The following HTR2C variants were observed in gnomAD, a reference collection of about 807,000 sequenced individuals.
The protein encoded by HTR2C is 5-hydroxytryptamine (serotonin) receptor 2C, G protein-coupled.
In HTR2C, 5 loss-of-function variants were observed where a neutral mutation model predicts 21.0. That is an observed-to-expected ratio of 0.24 (90% CI 0.12 to 0.50). HTR2C has a LOEUF of 0.50. Among genes scored for constraint, HTR2C ranks in the 20% least tolerant of loss-of-function variants. The probability of loss-of-function intolerance (pLI) is 0.98; values close to 1 mark genes in which losing one functional copy is unlikely to be tolerated. For missense variants in HTR2C, 271 were observed against 371.2 expected (o/e 0.73, Z 2.22); for synonymous variants, 150 against 145.3 (o/e 1.03, Z -0.23).
At chrX:114,701,876 G>C (rs1414998139) in intron 2 of HTR2C, among the ~76,000 whole-genome samples, 1 of 112,115 alleles carries the variant, frequency 8.9e-6, no homozygotes, top group Non-Finnish European at 1.9e-5. Context: ...GGAGCTGATG[G>C]AGCTGAAAGC....
At chrX:114,847,733 A>G (rs1174715918) in intron 4 of HTR2C, among the ~76,000 whole-genome samples, 1 of 110,923 alleles carries the variant, frequency 9.0e-6, no homozygotes, top group African/African-American at 3.3e-5. Flanking sequence ...CTAGTTGCAC[A>G]ATATTGTGAA....
intron 4 of HTR2C, among the ~76,000 whole-genome samples, chrX:114,794,146 G>A (rs999989706): frequency 9.0e-6 from 1 of 110,773 alleles, no homozygotes; most frequent in South Asian, 3.8e-4. Flanking sequence ...AAAGCTTAAG[G>A]AAGACTCACT....
At chrX:114,812,311 T>C (rs2070540022) in intron 4 of HTR2C, among the ~76,000 whole-genome samples, 1 of 111,536 alleles carries the variant, frequency 9.0e-6, no homozygotes, top group Admixed American at 9.6e-5. Flanking sequence ...TACCCCCAAC[T>C]TTTTCCCCAC....
intron 2 of HTR2C, among the ~76,000 whole-genome samples, chrX:114,705,622 C>T (rs1405007455): frequency 9.9e-6 from 1 of 101,242 alleles, no homozygotes; most frequent in African/African-American, 3.5e-5. Flanking sequence ...AAAACCTAGG[C>T]ATTACCATTC....
chrX:114,815,952 C>T (rs782117947), intron 4 of HTR2C, among the ~76,000 whole-genome samples: 2 of 110,433 alleles, frequency 1.8e-5, no homozygotes, highest in East Asian at 2.9e-4. Context: ...TTGACATTTT[C>T]GACAAATCTC....
rs1569495646 is a variant in HTR2C, at chrX:114,805,902, T to TCATATATATACCATATATATATACAC, written c.350-42053_350-42028dup. ...ACCATATGTATACCATATATATACA[T>TCATATATATACCATATATATATACAC]CATATATATACCATATATATATACA... On this transcript the variant is annotated intron_variant, in intron 4 of 5. Transcript: ENST00000276198. 9.8e-3 allele frequency among the ~76,000 whole-genome samples: 351 copies of TCATATATATACCATATATATATACAC among 35,805 alleles called. 60 individuals carry two copies. Among genetic ancestry groups the TCATATATATACCATATATATATACAC allele is most frequent in the African/African-American group, 0.035 (337 of 9,643 alleles). The allele number at this position is 35,805 out of a possible 115,157, so 31.1% of individuals were successfully genotyped here. A position where few individuals can be genotyped will look rare whatever the true frequency, so the allele number is the denominator to read the frequency against.
intron 5 of HTR2C, among the ~76,000 whole-genome samples, chrX:114,881,773 G>A (rs1602910589): frequency 9.1e-6 from 1 of 110,084 alleles, no homozygotes; most frequent in South Asian, 3.8e-4. Flanking sequence ...CAGGTAGTGC[G>A]AGTCCTCGTA....
intron 2 of HTR2C, among the ~76,000 whole-genome samples, chrX:114,661,394 G>A (rs1325121090): frequency 1.4e-5 from 1 of 70,797 alleles, no homozygotes; most frequent in Non-Finnish European, 2.7e-5. Context: ...TGAACACTAT[G>A]AATGAATTTG....
intron 4 of HTR2C, among the ~76,000 whole-genome samples, chrX:114,780,897 C>T (rs782239777): frequency 1.1e-4 from 12 of 111,184 alleles, no homozygotes; most frequent in African/African-American, 3.9e-4. Flanking sequence ...ATAAATATAC[C>T]TGAAAAACTT....
Position 114,684,566 on chromosome X carries a change from G to A in HTR2C, c.-79-42292G>A, listed in dbSNP as rs1278178737. On this transcript the variant is annotated intron_variant, in intron 2 of 5. Coordinates refer to ENST00000276198, the MANE Select transcript of HTR2C (RefSeq NM_000868.4). ...TTACTTTTATTTAGTAGTTACCCTG[G>A]TTCTCTTGACTATTTCTTGAAAGGG... Among the ~76,000 whole-genome samples, 5 of 111,305 alleles carry A rather than the reference G, an allele frequency of 4.5e-5. No homozygotes were observed. In the East Asian group the frequency reaches 1.4e-3, roughly 31 times the overall value.
chrX:114,594,869 T>C (rs1185331183), intron 1 of HTR2C, among the ~76,000 whole-genome samples: 7 of 111,794 alleles, frequency 6.3e-5, no homozygotes, highest in Non-Finnish European at 1.3e-4. Context: ...TTATATTCTG[T>C]TTCCTGTTTT....
At chrX:114,614,129 C>A (rs191334814) in intron 2 of HTR2C, among the ~76,000 whole-genome samples, 313 of 110,420 alleles carry the variant, frequency 2.8e-3, no homozygotes, top group Non-Finnish European at 5.0e-3. Flanking sequence ...GACCCCTTAC[C>A]GAACTGTTAA....
intron 4 of HTR2C, among the ~76,000 whole-genome samples, chrX:114,822,021 A>T (rs190589522): frequency 9.2e-6 from 1 of 108,812 alleles, no homozygotes; most frequent in Admixed American, 9.9e-5. Context: ...TAATTTTTGT[A>T]TTTTTAGTAG....
chrX:114,802,922 C>A (rs1183543053), intron 4 of HTR2C, among the ~76,000 whole-genome samples: 2 of 72,750 alleles, frequency 2.7e-5, no homozygotes, highest in East Asian at 1.1e-3. Context: ...TGATGTTCCC[C>A]TTCCTGTGTC....
intron 4 of HTR2C, among the ~76,000 whole-genome samples, chrX:114,796,456 G>C (rs2070294350): frequency 1.8e-5 from 2 of 111,373 alleles, no homozygotes; most frequent in Admixed American, 1.9e-4. Flanking sequence ...ATCTGCATTT[G>C]ACACTTTGGA....
chrX:114,682,775 ACT>A (rs782585159), intron 2 of HTR2C, among the ~76,000 whole-genome samples: 75 of 110,715 alleles, frequency 6.8e-4, no homozygotes, highest in Non-Finnish European at 1.1e-3. Context: ...TGATTCTGAA[ACT>A]CTATAAAATA....
At chrX:114,707,684 C>T (rs782538178) in intron 2 of HTR2C, among the ~76,000 whole-genome samples, 1 of 110,764 alleles carries the variant, frequency 9.0e-6, no homozygotes, top group East Asian at 2.9e-4. Context: ...TCTCCTTTTA[C>T]AGGCCATTTA....
intron 2 of HTR2C, among the ~76,000 whole-genome samples, chrX:114,723,156 TG>T (rs1305919100): frequency 9.0e-6 from 1 of 111,129 alleles, no homozygotes; most frequent in African/African-American, 3.3e-5. Context: ...GGACTCTTTT[TG>T]CTTGGTAAGC....
At position 114,723,397 on chromosome X, in the gene HTR2C, C is replaced by A. The variant is rs782806805; in HGVS notation, c.-79-3461C>A. On this transcript the variant is annotated intron_variant, in intron 2 of 5. Coordinates refer to ENST00000276198, the MANE Select transcript of HTR2C (RefSeq NM_000868.4). The stretch of plus-strand genomic sequence containing the variant: ...CATTTTTTATTGCGTCTATTTGATT[C>A]TTCTCTCTTTTTTTCTTTATTAGTC... Among the ~76,000 whole-genome samples the A allele has an allele frequency of 8.1e-5, 9 of 111,257 alleles. No individual in the cohort carries two copies. In the East Asian group the frequency reaches 2.5e-3, roughly 31 times the overall value.
Sources: gnomAD v4.1 joint callset for allele counts (sites outside exome capture counted in the v4.1 genomes callset) on GRCh38, gnomAD v4.1.1 for gene constraint, MANE v1.5 for transcripts, NCBI Gene and HGNC (gene_info 2026-07-23, HGNC 2026-07-21) for gene names.